Variants in PHTF1 observed in about 807,000 individuals in gnomAD.
PHTF1 encodes the protein protein PHTF1.
A neutral mutation model predicts 102.4 loss-of-function variants in PHTF1; 88 were observed. The ratio of observed to expected loss-of-function variants is 0.86; its 90% CI spans 0.72 to 1.03. The LOEUF (loss-of-function observed/expected upper bound fraction) is 1.03, where lower values mean the gene tolerates loss of function less well. Among genes scored for constraint, PHTF1 ranks in the 50% least tolerant of loss-of-function variants. PHTF1 has a pLI of 0.00. For synonymous variants in PHTF1, 289 were observed against 305.2 expected (o/e 0.95, Z 0.55); for missense variants, 814 against 909.5 (o/e 0.89, Z 1.35).
At chr1:113,755,789 C>T (rs556070304) in intron 3 of PHTF1, among the ~76,000 whole-genome samples, 1 of 152,136 alleles carries the variant, frequency 6.6e-6, no homozygotes, top group East Asian at 1.9e-4. Flanking sequence ...CGCGGTGGCT[C>T]ATGCCTCATG....
At chr1:113,740,566 T>C (rs1458939482) in intron 3 of PHTF1, among the ~76,000 whole-genome samples, 1 of 152,214 alleles carries the variant, frequency 6.6e-6, no homozygotes, top group Non-Finnish European at 1.5e-5. Context: ...CTTTCTAGTT[T>C]GATACAATCC....
chr1:113,746,189 G>A (rs1657212121), intron 3 of PHTF1, among the ~76,000 whole-genome samples: 1 of 152,198 alleles, frequency 6.6e-6, no homozygotes, highest in South Asian at 2.1e-4. Flanking sequence ...AATTAGAAGC[G>A]TGAACTGGGA....
chr1:113,713,844 C>T, intron 7 of PHTF1: 1 of 168,174 alleles, frequency 5.9e-6, no homozygotes, highest in Non-Finnish European at 1.3e-5. Flanking sequence ...TGCATTTTTG[C>T]CACCCTTACT....
Position 113,739,787 on chromosome 1 carries a change from G to A in PHTF1, c.103-988C>T, listed in dbSNP as rs532888279. On this transcript the variant is annotated intron_variant, in intron 3 of 18. Coordinates refer to ENST00000369604, the MANE Select transcript of PHTF1 (RefSeq NM_001323043.2). ...CTACTATTCTACTCTCTACTTCTAT[G>A]AGATCAACTTTTTAGCTTCCATGTA... Among the ~76,000 whole-genome samples, 4 of 152,160 alleles carry A rather than the reference G, an allele frequency of 2.6e-5. No individual in the cohort carries two copies. In the South Asian group the frequency reaches 6.2e-4, roughly 24 times the overall value.
chr1:113,759,149 C>A lies in PHTF1; in HGVS notation c.-157G>T. ...CATCTTCCCCTCCAGGCGGAGACGC[C>A]GGAGAGGCCGTTACCATGGAGACCG... On this transcript the variant is annotated 5_prime_UTR_variant, in exon 1 of 19. Transcript: ENST00000369604. 1.1e-6 allele frequency: 1 copy of A among 918,812 alleles called. No individual in the cohort carries two copies. The highest frequency in any genetic ancestry group is 1.3e-6 in the Non-Finnish European group (1 of 768,670). The allele number at this position is 918,812 out of a possible 1,614,324, so 56.9% of individuals were successfully genotyped here. A position where few individuals can be genotyped will look rare whatever the true frequency, so the allele number is the denominator to read the frequency against.
In PHTF1 at chr1:113,759,152, AGAGGCCGTTACCATGGAGACCGCG is replaced by A; in HGVS notation, c.-184_-161del. On this transcript the variant is annotated 5_prime_UTR_variant, in exon 1 of 19. It removes an upstream start codon present in the reference 5' UTR. Transcript: ENST00000369604. ...CTTCCCCTCCAGGCGGAGACGCCGG[AGAGGCCGTTACCATGGAGACCGCG>A]GAGGCCGCCCCAGCTTCGGAGGCAG... 1 of 918,454 alleles carries A rather than the reference AGAGGCCGTTACCATGGAGACCGCG, an allele frequency of 1.1e-6. No homozygotes were observed. The highest frequency in any genetic ancestry group is 1.3e-6 in the Non-Finnish European group (1 of 768,236). The allele number at this position is 918,454 out of a possible 1,614,324, so 56.9% of individuals were successfully genotyped here. A position where few individuals can be genotyped will look rare whatever the true frequency, so the allele number is the denominator to read the frequency against.
intron 5 of PHTF1, among the ~76,000 whole-genome samples, chr1:113,734,178 T>A (rs1314108876): frequency 6.6e-6 from 1 of 152,144 alleles, no homozygotes; most frequent in Non-Finnish European, 1.5e-5. Context: ...GAGAATCACT[T>A]GAACCTGGGA....
At chr1:113,718,793 A>C (rs1020208908) in intron 7 of PHTF1, among the ~76,000 whole-genome samples, 3 of 152,200 alleles carry the variant, frequency 2.0e-5, no homozygotes, top group Admixed American at 2.0e-4. Flanking sequence ...GGCTGCACAC[A>C]GCATGGGGAC....
intron 7 of PHTF1, among the ~76,000 whole-genome samples, chr1:113,724,456 G>T (rs1488085441): frequency 2.0e-5 from 3 of 150,436 alleles, no homozygotes; most frequent in Non-Finnish European, 4.4e-5. Context: ...CAGGAGAATC[G>T]CTTGAACTCA....
chr1:113,730,738 CA>C (rs531714951), intron 5 of PHTF1, among the ~76,000 whole-genome samples: 3 of 152,108 alleles, frequency 2.0e-5, no homozygotes, highest in Admixed American at 6.5e-5. Flanking sequence ...GCAACAAAGA[CA>C]AAATATTTTA....
intron 15 of PHTF1, among the ~76,000 whole-genome samples, chr1:113,701,996 CAGAAATTCAGGAA>C (rs1327413493): frequency 1.3e-5 from 2 of 151,698 alleles, no homozygotes; most frequent in Non-Finnish European, 2.9e-5. Context: ...GAGAGAAACA[CAGAAATTCAGGAA>C]ATAAAAAGCA....
intron 5 of PHTF1, among the ~76,000 whole-genome samples, chr1:113,730,108 T>C (rs556689056): frequency 1.3e-5 from 2 of 152,218 alleles, no homozygotes; most frequent in African/African-American, 4.8e-5. Flanking sequence ...CCCAAAACTA[T>C]AGCTACCTGG....
chr1:113,732,190 G>A (rs1654756288), intron 5 of PHTF1, among the ~76,000 whole-genome samples: 1 of 152,070 alleles, frequency 6.6e-6, no homozygotes, highest in Non-Finnish European at 1.5e-5. Flanking sequence ...GAAAATGTGG[G>A]AAAGCAGAAT....
At chr1:113,758,879 CAA>C (rs962778012) in intron 1 of PHTF1, 142 bp downstream of exon 1, 1 of 1,206,326 alleles carries the variant, frequency 8.3e-7, no homozygotes, top group East Asian at 4.2e-5. Flanking sequence ...AACAAACAAA[CAA>C]AAAAAAACTG....
At chr1:113,739,680 A>T (rs770540135) in intron 3 of PHTF1, among the ~76,000 whole-genome samples, 19 of 152,190 alleles carry the variant, frequency 1.2e-4, no homozygotes, top group Non-Finnish European at 2.4e-4. Context: ...CCTTATTCCT[A>T]TCTAGCTGTA....
chr1:113,750,049 C>T (rs571444912), intron 3 of PHTF1, among the ~76,000 whole-genome samples: 219 of 152,070 alleles, frequency 1.4e-3, no homozygotes, highest in African/African-American at 5.2e-3. Flanking sequence ...GTCTAGAGTG[C>T]AGTGGCACAA....
chr1:113,733,651 C>A (rs1288251014), intron 5 of PHTF1, among the ~76,000 whole-genome samples: 1 of 151,962 alleles, frequency 6.6e-6, no homozygotes, highest in Non-Finnish European at 1.5e-5. Flanking sequence ...ACATGAGGAC[C>A]CAGAGAGAAG....
At chr1:113,703,624 G>A (rs1649688508) in intron 15 of PHTF1, among the ~76,000 whole-genome samples, 1 of 151,936 alleles carries the variant, frequency 6.6e-6, no homozygotes, top group Admixed American at 6.6e-5. Context: ...GCCTCCCAAA[G>A]TGCTGGGATT....
intron 7 of PHTF1, among the ~76,000 whole-genome samples, chr1:113,715,562 C>A (rs1385728778): frequency 7.3e-6 from 1 of 136,276 alleles, no homozygotes; most frequent in South Asian, 2.4e-4. Flanking sequence ...GCAGGAGGAT[C>A]ACTTGAGCCT....
Sources: allele counts gnomAD v4.1 joint callset (sites outside exome capture counted in the v4.1 genomes callset), GRCh38; gene constraint gnomAD v4.1.1; transcripts MANE v1.5; gene names NCBI Gene and HGNC (gene_info 2026-07-23, HGNC 2026-07-21).